TMED3: variants seen among roughly 807,000 people sequenced by gnomAD.
TMED3 encodes the protein transmembrane emp24 domain-containing protein 3.
In TMED3, 9 loss-of-function variants were observed where a neutral mutation model predicts 15.0. The observed-to-expected ratio is 0.60, with a 90% CI of 0.36 to 1.04. TMED3 has a LOEUF of 1.04. Among genes scored for constraint, TMED3 ranks in the 50% least tolerant of loss-of-function variants. TMED3 has a pLI of 0.01. For missense variants in TMED3, 267 were observed against 278.9 expected (o/e 0.96, Z 0.30); for synonymous variants, 117 against 121.4 (o/e 0.96, Z 0.24).
intron 2 of TMED3, among the ~76,000 whole-genome samples, chr15:79,355,798 T>C (rs1291702536): frequency 2.6e-5 from 4 of 152,192 alleles, no homozygotes; most frequent in Non-Finnish European, 5.9e-5. Flanking sequence ...TTGTCCTCCC[T>C]TTCTCTGAGC....
intron 2 of TMED3, among the ~76,000 whole-genome samples, chr15:79,337,497 A>C (rs1441613831): frequency 6.6e-6 from 1 of 152,254 alleles, no homozygotes; most frequent in East Asian, 1.9e-4. Context: ...AGTTCAGCCA[A>C]TAACAGACAG....
At chr15:79,332,416 G>T (rs1208097189) in intron 2 of TMED3, among the ~76,000 whole-genome samples, 1 of 152,240 alleles carries the variant, frequency 6.6e-6, no homozygotes, top group African/African-American at 2.4e-5. Flanking sequence ...TCAGCCTGGT[G>T]AGGTGGATGA....
chr15:79,354,914 G>T (rs1241538491), intron 2 of TMED3, among the ~76,000 whole-genome samples: 1 of 152,040 alleles, frequency 6.6e-6, no homozygotes, highest in East Asian at 1.9e-4. Context: ...GCATCATCAG[G>T]CATGACCTTA....
At chr15:79,340,451 C>G (rs888095859) in intron 2 of TMED3, among the ~76,000 whole-genome samples, 2 of 152,202 alleles carry the variant, frequency 1.3e-5, no homozygotes, top group Non-Finnish European at 2.9e-5. Flanking sequence ...TTGAGACACC[C>G]TGAGCCAGAA....
At chr15:79,348,602 GA>G (rs1387208296) in intron 2 of TMED3, among the ~76,000 whole-genome samples, 1 of 152,172 alleles carries the variant, frequency 6.6e-6, no homozygotes, top group African/African-American at 2.4e-5. Flanking sequence ...ACTGTTAGGT[GA>G]AAAACAAGAG....
intron 2 of TMED3, among the ~76,000 whole-genome samples, chr15:79,315,717 A>G (rs2141213563): frequency 6.6e-6 from 1 of 152,322 alleles, no homozygotes; most frequent in East Asian, 1.9e-4. Context: ...TAGCCTCAAA[A>G]GAGCCGTTTC....
At chr15:79,331,841 C>A (rs1567025510) in intron 2 of TMED3, among the ~76,000 whole-genome samples, 1 of 152,032 alleles carries the variant, frequency 6.6e-6, no homozygotes, top group Non-Finnish European at 1.5e-5. Context: ...AAATCAAAAC[C>A]ACAACAAGGT....
Position 79,360,169 on chromosome 15 carries a change from G to A in TMED3, c.417+46164G>A, listed in dbSNP as rs1244668373. ...ATCCGAGAACAATAGCCAGGAGCAT[G>A]CCACAGAGTGCAGCAGGTGCAGGAG... On this transcript the variant is annotated intron_variant, in intron 2 of 2. Coordinates refer to the TMED3 transcript ENST00000424155. 3.3e-5 allele frequency among the ~76,000 whole-genome samples: 5 copies of A among 152,288 alleles called. No homozygotes were observed. In the East Asian group the frequency reaches 5.8e-4, roughly 18 times the overall value.
intron 2 of TMED3, among the ~76,000 whole-genome samples, chr15:79,332,987 G>A (rs914414933): frequency 4.6e-5 from 7 of 152,216 alleles, no homozygotes; most frequent in Non-Finnish European, 1.0e-4. Context: ...TGACTGCCCA[G>A]TGTTCCATCT....
At chr15:79,329,039 C>T (rs146735838) in intron 2 of TMED3, among the ~76,000 whole-genome samples, 118 of 152,276 alleles carry the variant, frequency 7.7e-4, no homozygotes, top group Admixed American at 3.0e-3. Flanking sequence ...TTTTTAATAC[C>T]TAGGGGTGGT....
chr15:79,345,897 A>G (rs1408837480), intron 2 of TMED3, among the ~76,000 whole-genome samples: 2 of 152,202 alleles, frequency 1.3e-5, no homozygotes, highest in Non-Finnish European at 2.9e-5. Flanking sequence ...TTCTGTAATC[A>G]TCAGTGATGT....
chr15:79,391,281 T>C (rs1380390009), intron 2 of TMED3, among the ~76,000 whole-genome samples: 1 of 152,116 alleles, frequency 6.6e-6, no homozygotes, highest in Non-Finnish European at 1.5e-5. Flanking sequence ...ATTATTGTTG[T>C]TCAGTTTGAA....
chr15:79,345,833 A>G (rs1214776380), intron 2 of TMED3, among the ~76,000 whole-genome samples: 1 of 152,056 alleles, frequency 6.6e-6, no homozygotes, highest in Non-Finnish European at 1.5e-5. Context: ...CCCTTTTACT[A>G]ATAGCCATTC....
intron 2 of TMED3, among the ~76,000 whole-genome samples, chr15:79,373,272 T>C (rs554159236): frequency 1.4e-4 from 22 of 152,348 alleles, no homozygotes; most frequent in African/African-American, 5.3e-4. Flanking sequence ...TTCAACAGGA[T>C]TATGCTAGTC....
intron 2 of TMED3, among the ~76,000 whole-genome samples, chr15:79,388,783 A>G (rs565524202): frequency 6.6e-6 from 1 of 152,294 alleles, no homozygotes; most frequent in East Asian, 1.9e-4. Flanking sequence ...GATTATGGCC[A>G]TTCTTGCAGG....
At chr15:79,339,543 A>C (rs1745212178) in intron 2 of TMED3, among the ~76,000 whole-genome samples, 1 of 152,196 alleles carries the variant, frequency 6.6e-6, no homozygotes, top group African/African-American at 2.4e-5. Flanking sequence ...TCCATTGCAA[A>C]AGTCCACAGT....
chr15:79,341,782 A>G (rs1351236522), intron 2 of TMED3, among the ~76,000 whole-genome samples: 1 of 152,192 alleles, frequency 6.6e-6, no homozygotes, highest in Non-Finnish European at 1.5e-5. Context: ...GGCGGTTTCA[A>G]CTACCAGTGA....
chr15:79,387,839 T>C (rs896184255), intron 2 of TMED3, among the ~76,000 whole-genome samples: 1 of 152,244 alleles, frequency 6.6e-6, no homozygotes, highest in African/African-American at 2.4e-5. Context: ...ACATACCTGA[T>C]ACTTCTTGAT....
chr15:79,318,843 G>A (rs774014605), intron 2 of TMED3, among the ~76,000 whole-genome samples: 3 of 152,202 alleles, frequency 2.0e-5, no homozygotes, highest in African/African-American at 4.8e-5. Flanking sequence ...TTCTTTTCTG[G>A]TGGTTGGCCT....
Sources: allele counts gnomAD v4.1 joint callset (sites outside exome capture counted in the v4.1 genomes callset), GRCh38; gene constraint gnomAD v4.1.1; transcripts MANE v1.5; gene names NCBI Gene and HGNC (gene_info 2026-07-23, HGNC 2026-07-21).